The following GRIP1 variants were observed in gnomAD, a reference collection of about 807,000 sequenced individuals.
GRIP1 encodes the protein glutamate receptor-interacting protein 1.
In GRIP1, 45 loss-of-function variants were observed where a neutral mutation model predicts 129.9. The ratio of observed to expected loss-of-function variants is 0.35; its 90% CI spans 0.27 to 0.44. The LOEUF (loss-of-function observed/expected upper bound fraction) is 0.44, where lower values mean the gene tolerates loss of function less well. GRIP1 is among the 20% of genes least tolerant of loss of function. The pLI is 1.00. For synonymous variants in GRIP1, 530 were observed against 520.8 expected (o/e 1.02, Z -0.24); for missense variants, 1,196 against 1,396.8 (o/e 0.86, Z 2.29).
rs548885613 is a variant in GRIP1, at chr12:66,475,899, TAAATGTGATCTAAAATGACACGCTA to T, written c.725-10502_725-10478del. 3.7e-3 allele frequency among the ~76,000 whole-genome samples: 560 copies of T among 152,238 alleles called. 7 individuals carry two copies. The highest frequency in any genetic ancestry group is 0.013 in the African/African-American group (521 of 41,538). On this transcript the variant is annotated intron_variant, in intron 7 of 24. Coordinates refer to ENST00000359742, the MANE Select transcript of GRIP1 (RefSeq NM_001366722.1). ...CAGGAAAGATCTAAAATTGATACCC[TAAATGTGATCTAAAATGACACGCTA>T]AAATGTGATCTAAAAAAGATCACAA...
intron 1 of GRIP1, among the ~76,000 whole-genome samples, chr12:66,694,426 T>G (rs919929810): frequency 6.6e-6 from 1 of 152,172 alleles, no homozygotes; most frequent in East Asian, 1.9e-4. Flanking sequence ...CCAAGGAGAT[T>G]TCATCCTATA....
upstream of GRIP1, among the ~76,000 whole-genome samples, chr12:66,681,092 G>A (rs1264705429): frequency 6.6e-6 from 1 of 152,130 alleles, no homozygotes; most frequent in African/African-American, 2.4e-5. Flanking sequence ...GTTTCTGAGA[G>A]CCCAAACTAG....
At chr12:66,379,696 G>A (rs185506837) in intron 19 of GRIP1, among the ~76,000 whole-genome samples, 5 of 152,270 alleles carry the variant, frequency 3.3e-5, no homozygotes, top group African/African-American at 1.2e-4. Flanking sequence ...GCTTAGAACA[G>A]TGGTTTCAAG....
At chr12:66,931,693 G>T (rs1349481368) in intron 1 of GRIP1, among the ~76,000 whole-genome samples, 3 of 151,770 alleles carry the variant, frequency 2.0e-5, no homozygotes, top group Non-Finnish European at 2.9e-5. Flanking sequence ...AAATGAGAGG[G>T]GATAAATTCA....
chr12:66,960,946 C>T (rs1188490780), intron 1 of GRIP1, among the ~76,000 whole-genome samples: 1 of 147,250 alleles, frequency 6.8e-6, no homozygotes, highest in Non-Finnish European at 1.5e-5. Context: ...AGCTCCCTCC[C>T]CTGTAAGGAA....
At chr12:66,887,281 A>G (rs2040581713) in intron 1 of GRIP1, among the ~76,000 whole-genome samples, 1 of 152,232 alleles carries the variant, frequency 6.6e-6, no homozygotes, top group Non-Finnish European at 1.5e-5. Flanking sequence ...AATGTTTGAA[A>G]AAGAAGGATT....
intron 1 of GRIP1, among the ~76,000 whole-genome samples, chr12:67,053,691 AGC>A (rs1290959617): frequency 6.6e-6 from 1 of 151,896 alleles, no homozygotes; most frequent in Non-Finnish European, 1.5e-5. Flanking sequence ...ACAAAAAATT[AGC>A]CAGGCGTGGT....
rs180958617 is a variant in GRIP1 at position 66,636,672 on chromosome 12, A to G, written c.56-39745T>C. Among the ~76,000 whole-genome samples the G allele has an allele frequency of 4.0e-5, 6 of 151,536 alleles. No individual in the cohort carries two copies. The East Asian group carries it at 7.8e-4, about 20-fold the overall frequency. On this transcript the variant is annotated intron_variant, in intron 1 of 24. Transcript: ENST00000359742. ...GTCTTAAGCATGAAGCCCTGATCCA[A>G]CAGAGCTGGTGTCTTTATAAAACAG...
At chr12:66,793,823 G>T (rs963507511) in intron 1 of GRIP1, among the ~76,000 whole-genome samples, 1 of 152,080 alleles carries the variant, frequency 6.6e-6, no homozygotes, top group African/African-American at 2.4e-5. Context: ...CTAACATACC[G>T]ACAATTGTGT....
chr12:66,365,116 A>T (rs2055058669), intron 23 of GRIP1, among the ~76,000 whole-genome samples: 1 of 152,168 alleles, frequency 6.6e-6, no homozygotes, highest in South Asian at 2.1e-4. Context: ...TTATGTGACT[A>T]TTTAAAATAA....
At chr12:66,906,971 A>T (rs920441806) in intron 1 of GRIP1, among the ~76,000 whole-genome samples, 3 of 152,198 alleles carry the variant, frequency 2.0e-5, no homozygotes, top group Non-Finnish European at 2.9e-5. Context: ...TAAGGAATTG[A>T]CCTTGGTACA....
chr12:66,766,919 A>C (rs1368079190), intron 1 of GRIP1, among the ~76,000 whole-genome samples: 1 of 152,220 alleles, frequency 6.6e-6, no homozygotes, highest in Non-Finnish European at 1.5e-5. Context: ...TATGGATAAG[A>C]GAATGAACAA....
At chr12:67,048,634 A>G (rs1371288861) in intron 1 of GRIP1, among the ~76,000 whole-genome samples, 1 of 151,968 alleles carries the variant, frequency 6.6e-6, no homozygotes, top group Non-Finnish European at 1.5e-5. Context: ...GTCCCACTCA[A>G]ATTTCATCCT....
intron 1 of GRIP1, among the ~76,000 whole-genome samples, chr12:67,030,044 CAAAAAAAA>C (rs11330637): frequency 7.5e-6 from 1 of 133,012 alleles, no homozygotes; most frequent in Non-Finnish European, 1.6e-5. Flanking sequence ...ACTAAAAATA[CAAAAAAAA>C]AAAAAAAAAT....
chr12:66,745,635 G>A (rs1305976864), intron 1 of GRIP1, among the ~76,000 whole-genome samples: 1 of 152,164 alleles, frequency 6.6e-6, no homozygotes, highest in Admixed American at 6.5e-5. Flanking sequence ...ATTTCACAGA[G>A]CAAGTAGAAG....
chr12:66,977,038 T>C (rs1281764019), intron 1 of GRIP1, among the ~76,000 whole-genome samples: 2 of 152,164 alleles, frequency 1.3e-5, no homozygotes, highest in Non-Finnish European at 2.9e-5. Context: ...AACACACTTA[T>C]ATGATTGAAA....
chr12:66,970,354 T>A (rs1279671139), intron 1 of GRIP1, among the ~76,000 whole-genome samples: 3 of 152,200 alleles, frequency 2.0e-5, no homozygotes, highest in East Asian at 3.8e-4. Flanking sequence ...AGTGCTAGAA[T>A]TATAGGCATG....
intron 1 of GRIP1, among the ~76,000 whole-genome samples, chr12:67,015,842 T>C (rs1425023915): frequency 2.6e-5 from 4 of 152,112 alleles, no homozygotes; most frequent in Non-Finnish European, 5.9e-5. Flanking sequence ...ATCAGAAATA[T>C]TATCCCCACA....
chr12:66,753,159 C>A (rs1319600455), intron 1 of GRIP1, among the ~76,000 whole-genome samples: 1 of 152,156 alleles, frequency 6.6e-6, no homozygotes, highest in African/African-American at 2.4e-5. Flanking sequence ...ATATGGCTAT[C>A]CGACCCCATT....
Sources: gnomAD v4.1 joint callset for allele counts (sites outside exome capture counted in the v4.1 genomes callset) on GRCh38, gnomAD v4.1.1 for gene constraint, MANE v1.5 for transcripts, NCBI Gene and HGNC (gene_info 2026-07-23, HGNC 2026-07-21) for gene names.